Variants in PCDHA1 observed in about 807,000 individuals in gnomAD.
The protein encoded by PCDHA1 is protocadherin alpha-1.
PCDHA1 carries 42 observed loss-of-function variants against 61.3 expected under a neutral mutation model. The ratio of observed to expected loss-of-function variants is 0.69; its 90% CI spans 0.54 to 0.89. PCDHA1 has a LOEUF of 0.89. Ranked by LOEUF, PCDHA1 falls within the 40% of genes least tolerant of loss-of-function variation. The pLI is 0.00. For missense variants in PCDHA1, 1,256 were observed against 1,235.3 expected (o/e 1.02, Z -0.25); for synonymous variants, 610 against 553.8 (o/e 1.10, Z -1.43).
At chr5:140,823,233 C>G (rs1423575450) in intron 1 of PCDHA1, 1 of 1,613,492 alleles carries the variant, frequency 6.2e-7, no homozygotes, top group Non-Finnish European at 8.5e-7. Flanking sequence ...CGCAGGAGAA[C>G]GCCCTGGTGT....
chr5:140,872,075 C>T (rs1452265862), intron 1 of PCDHA1, among the ~76,000 whole-genome samples: 1 of 152,234 alleles, frequency 6.6e-6, no homozygotes, highest in Non-Finnish European at 1.5e-5. Flanking sequence ...GCTGGGAATG[C>T]AGTGCCACTG....
chr5:140,925,108 G>GGAAGGAAGGAAGGAAGGAA (rs1554202548), intron 1 of PCDHA1, among the ~76,000 whole-genome samples: 8 of 124,780 alleles, frequency 6.4e-5, no homozygotes, highest in South Asian at 4.6e-4. Context: ...GAAGGAAGGA[G>GGAAGGAAGGAAGGAAGGAA]GGAAGGAAGG....
chr5:140,897,877 C>T (rs1554187641), intron 1 of PCDHA1, among the ~76,000 whole-genome samples: 1 of 152,154 alleles, frequency 6.6e-6, no homozygotes, highest in Non-Finnish European at 1.5e-5. Flanking sequence ...TAATGATTGC[C>T]ATTCTAACTG....
At chr5:140,842,221 A>G (rs1420540390) in intron 1 of PCDHA1, 1 of 1,613,116 alleles carries the variant, frequency 6.2e-7, no homozygotes, top group Non-Finnish European at 8.5e-7. Context: ...GAAATACGGG[A>G]GAAATAGTGA....
intron 1 of PCDHA1, among the ~76,000 whole-genome samples, chr5:140,793,334 G>A (rs574694813): frequency 1.3e-5 from 2 of 152,336 alleles, no homozygotes; most frequent in South Asian, 4.1e-4. Flanking sequence ...TTCCATGTAT[G>A]AGTCAGTACA....
intron 1 of PCDHA1, among the ~76,000 whole-genome samples, chr5:140,890,662 C>T (rs75284753): frequency 0.011 from 1,622 of 152,252 alleles, 17 homozygotes; most frequent in African/African-American, 0.028. Flanking sequence ...CAAAAGTTAA[C>T]TGAAACCCTT....
chr5:141,009,942 C>T lies in PCDHA1; in HGVS notation c.*5C>T, dbSNP rs782819309. The T allele has an allele frequency of 6.3e-7, 1 of 1,597,438 alleles. No individual in the cohort carries two copies. The highest frequency in any genetic ancestry group is 1.1e-5 in the South Asian group (1 of 87,840). ...ACTGACAACAGTGACCAGTGAGGTCCTCAAATGGAAACAAGCCACTTAGCC... is the reference window on the plus strand; with the variant it reads ...ACTGACAACAGTGACCAGTGAGGTCTTCAAATGGAAACAAGCCACTTAGCC... On this transcript the variant is annotated 3_prime_UTR_variant, in exon 4 of 4. Coordinates refer to ENST00000504120, the MANE Select transcript of PCDHA1 (RefSeq NM_018900.4).
chr5:140,858,417 G>A, intron 1 of PCDHA1: 1 of 1,560,448 alleles, frequency 6.4e-7, no homozygotes, highest in Non-Finnish European at 8.7e-7. Context: ...CAGTCTATTG[G>A]AGGGGACCAC....
At chr5:141,002,948 C>A (rs2098104348) in intron 3 of PCDHA1, among the ~76,000 whole-genome samples, 1 of 152,152 alleles carries the variant, frequency 6.6e-6, no homozygotes, top group African/African-American at 2.4e-5. Flanking sequence ...CAGCACATGC[C>A]CCTCTGAGAG....
chr5:140,836,991 C>T, intron 1 of PCDHA1: 3 of 347,628 alleles, frequency 8.6e-6, no homozygotes, highest in African/African-American at 2.1e-5. Context: ...GAGGACTTTG[C>T]TAACTGGAGC....
chr5:140,888,764 T>A (rs74654123), intron 1 of PCDHA1, among the ~76,000 whole-genome samples: 4 of 152,186 alleles, frequency 2.6e-5, no homozygotes, highest in East Asian at 3.9e-4. Context: ...CTTTTTTTTT[T>A]AATTTTGAAG....
chr5:140,837,119 A>G (rs1472811224), intron 1 of PCDHA1: 1 of 156,890 alleles, frequency 6.4e-6, no homozygotes, highest in Non-Finnish European at 1.4e-5. Flanking sequence ...ATGTTACCTA[A>G]TATTTTATTC....
chr5:140,883,970 C>A (rs1554180846), intron 1 of PCDHA1: 1 of 1,612,990 alleles, frequency 6.2e-7, no homozygotes, highest in South Asian at 1.1e-5. Context: ...GCTGCTGACG[C>A]CCGGGGCTGG....
intron 1 of PCDHA1, chr5:140,871,169 A>AG: frequency 6.2e-7 from 1 of 1,613,520 alleles, no homozygotes; most frequent in Non-Finnish European, 8.5e-7. Flanking sequence ...GCGAGCCCAG[A>AG]GGCTGCGCTG....
At chr5:140,832,454 T>G (rs193078566) in intron 1 of PCDHA1, among the ~76,000 whole-genome samples, 1 of 152,214 alleles carries the variant, frequency 6.6e-6, no homozygotes, top group African/African-American at 2.4e-5. Flanking sequence ...TAATTAATAT[T>G]GCACTAAAAT....
chr5:140,836,075 A>G (rs2150252045), intron 1 of PCDHA1: 15 of 1,613,656 alleles, frequency 9.3e-6, no homozygotes, highest in South Asian at 2.2e-5. Context: ...ACGCGCCGGC[A>G]CTGCTGGCGC....
intron 1 of PCDHA1, chr5:140,811,701 G>A (rs1164778955): frequency 1.3e-5 from 2 of 152,172 alleles, no homozygotes; most frequent in Non-Finnish European, 2.9e-5. Flanking sequence ...TCTAACTGGT[G>A]TGAGATGGTA....
intron 1 of PCDHA1, chr5:140,808,572 T>C: frequency 6.2e-7 from 1 of 1,614,066 alleles, no homozygotes; most frequent in Non-Finnish European, 8.5e-7. Flanking sequence ...GAGTACACAG[T>C]GTTCGTGAAG....
chr5:140,902,615 G>C (rs2153477614), intron 1 of PCDHA1, among the ~76,000 whole-genome samples: 1 of 152,128 alleles, frequency 6.6e-6, no homozygotes, highest in Admixed American at 6.6e-5. Context: ...AGTTACATGG[G>C]TAAGTTATTT....
Sources: gnomAD v4.1 joint callset for allele counts (sites outside exome capture counted in the v4.1 genomes callset) on GRCh38, gnomAD v4.1.1 for gene constraint, MANE v1.5 for transcripts, NCBI Gene and HGNC (gene_info 2026-07-23, HGNC 2026-07-21) for gene names.